Variants in INTS3 observed in about 807,000 individuals in gnomAD.
INTS3 encodes SOSS complex subunit A.
In INTS3, 34 loss-of-function variants were observed where a neutral mutation model predicts 146.3. That is an observed-to-expected ratio of 0.23 (90% confidence interval 0.18 to 0.31). The LOEUF (loss-of-function observed/expected upper bound fraction) is 0.31, where lower values mean the gene tolerates loss of function less well. Ranked by LOEUF, INTS3 falls within the 10% of genes least tolerant of loss-of-function variation. INTS3 has a pLI of 1.00. For missense variants in INTS3, 757 were observed against 1,304.2 expected, an observed-to-expected ratio of 0.58 and a Z score of 6.46; for synonymous variants, 475 against 494.9, an observed-to-expected ratio of 0.96 and a Z score of 0.53.
chr1:153,733,985 G>C (rs1344016845), intron 1 of INTS3, among the ~76,000 whole-genome samples: 1 of 152,158 alleles, frequency 6.6e-6, no homozygotes, highest in Non-Finnish European at 1.5e-5. Context: ...TCCAGCTTGA[G>C]TCTCCAGCTT....
At chr1:153,768,745 CT>C (rs1672698983) in intron 21 of INTS3, 147 bp from the exon 22 acceptor site, 1 of 632,376 alleles carries the variant, frequency 1.6e-6, no homozygotes, top group East Asian at 2.7e-5. Context: ...AGCATCATAG[CT>C]GTTGGATCTC....
intron 5 of INTS3, 114 bp from the exon 6 acceptor site, chr1:153,748,575 G>A: frequency 1.2e-6 from 1 of 832,754 alleles, no homozygotes; most frequent in Non-Finnish European, 2.1e-6. Context: ...AGCAGTGAAG[G>A]GATGGCAGTA....
At chr1:153,740,903 T>C (rs966011223) in intron 2 of INTS3, among the ~76,000 whole-genome samples, 169 bp downstream of exon 2, 2 of 152,310 alleles carry the variant, frequency 1.3e-5, no homozygotes, top group African/African-American at 4.8e-5. Flanking sequence ...GGAGCCTATC[T>C]CTTGGAGCCT....
rs369150636 is a variant in INTS3 at position 153,760,931 on chromosome 1, G to T, written c.1409+13G>T. 3 of 1,610,678 alleles carry T rather than the reference G, an allele frequency of 1.9e-6. No homozygotes were observed. In the South Asian group the frequency reaches 3.3e-5, roughly 18 times the overall value. ...AACGGGTCTTGGCGTAAGGAATTTG[G>T]TGGGGGAAGGAGGTTGTTTTCCCAT... On this transcript the variant is annotated intron_variant, in intron 13 of 29. Coordinates refer to ENST00000318967, the MANE Select transcript of INTS3 (RefSeq NM_023015.5).
intron 6 of INTS3, among the ~76,000 whole-genome samples, chr1:153,749,054 T>C (rs1671861250): frequency 6.6e-6 from 1 of 152,118 alleles, no homozygotes; most frequent in Admixed American, 6.6e-5. Flanking sequence ...AGGGGGAAGT[T>C]GGGGAGGAAT....
At position 153,728,520 on chromosome 1, in the gene INTS3, TC is replaced by T; in HGVS notation, c.-111del. On this transcript the variant is annotated 5_prime_UTR_variant, in exon 1 of 30. Coordinates refer to ENST00000318967, the MANE Select transcript of INTS3 (RefSeq NM_023015.5). ...GTGGAGAGGACAGGGGCCCTTGCTC[TC>T]CCCTCCCCAACTTGTTCCTCTTGCC... 1 of 1,327,078 alleles carries T rather than the reference TC, an allele frequency of 7.5e-7. No individual in the cohort carries two copies. The highest frequency in any genetic ancestry group is 1.0e-6 in the Non-Finnish European group (1 of 978,176). The allele number at this position is 1,327,078 out of a possible 1,614,324, so 82.2% of individuals were successfully genotyped here. A position where few individuals can be genotyped will look rare whatever the true frequency, so the allele number is the denominator to read the frequency against.
chr1:153,758,820 A>T (rs1446759890), intron 10 of INTS3, among the ~76,000 whole-genome samples: 1 of 144,882 alleles, frequency 6.9e-6, no homozygotes, highest in Non-Finnish European at 1.5e-5. Flanking sequence ...AAAAGAACCC[A>T]GGCCTGGCCA....
At chr1:153,740,778 G>A (rs1671499599) in intron 2 of INTS3, 44 bp downstream of exon 2, 2 of 1,454,480 alleles carry the variant, frequency 1.4e-6, no homozygotes, top group Non-Finnish European at 1.9e-6. Context: ...CTGCTGTGAA[G>A]GTCTTGAAAC....
At chr1:153,731,901 C>CTTTTTT (rs34353204) in intron 1 of INTS3, among the ~76,000 whole-genome samples, 4 of 65,280 alleles carry the variant, frequency 6.1e-5, no homozygotes, top group African/African-American at 1.5e-4. Flanking sequence ...CTTTTTTTAA[C>CTTTTTT]TTTTTTTTTT....
chr1:153,746,784 A>T, intron 3 of INTS3, 173 bp from the exon 4 acceptor site: 1 of 580,554 alleles, frequency 1.7e-6, no homozygotes, highest in African/African-American at 1.9e-5. Context: ...TAGGTTGGGA[A>T]TGCAGGACCC....
intron 6 of INTS3, among the ~76,000 whole-genome samples, chr1:153,750,091 C>G (rs148284334): frequency 1.1e-3 from 170 of 152,302 alleles, no homozygotes; most frequent in African/African-American, 4.0e-3. Flanking sequence ...GTAACCTTGG[C>G]TAGTGTATCC....
At chr1:153,733,719 C>A (rs1671178449) in intron 1 of INTS3, among the ~76,000 whole-genome samples, 1 of 152,016 alleles carries the variant, frequency 6.6e-6, no homozygotes, top group Non-Finnish European at 1.5e-5. Context: ...ATTCTCCTGC[C>A]TCAGCCTCCC....
At position 153,762,771 on chromosome 1, in the gene INTS3, G is replaced by A. The variant is rs773031326; in HGVS notation, c.1560G>A (p.Met520Ile). 1 of 1,614,170 alleles carries A rather than the reference G, an allele frequency of 6.2e-7. No individual in the cohort carries two copies. Among genetic ancestry groups the A allele is most frequent in the African/African-American group, 1.3e-5 (1 of 75,040 alleles). Reference sequence around the variant, plus strand: ...TTTCCATGGAGATGGACAACCATATGTCGGATAAGGATGAGAGTTGCTATG... The same window carrying A: ...TTTCCATGGAGATGGACAACCATATATCGGATAAGGATGAGAGTTGCTATG... Reference protein sequence around the residue: ...EPVSMEMDNHMSDKDESCYDN... With the variant: ...EPVSMEMDNHISDKDESCYDN... The change falls in exon 15 of 30, where the codon ATG becomes ATA. Residue 520 changes from methionine (M) to isoleucine (I), a missense_variant. By Grantham distance (10) the Met-to-Ile change is conservative. This residue lies in a region of INTS3 where 97 missense variants were observed against 113.6 expected (regional missense o/e 0.85). Transcript: ENST00000318967.
intron 13 of INTS3, 50 bp from the exon 14 acceptor site, chr1:153,761,514 AAAAAAT>A (rs918762047): frequency 6.6e-5 from 88 of 1,341,964 alleles, no homozygotes; most frequent in Admixed American, 2.3e-4. Flanking sequence ...CTGTCTCAAA[AAAAAAT>A]AAAAATAAGA....
intron 1 of INTS3, among the ~76,000 whole-genome samples, chr1:153,736,151 G>A (rs1216298993): frequency 6.6e-6 from 1 of 152,210 alleles, no homozygotes; most frequent in Non-Finnish European, 1.5e-5. Context: ...GAGGTGGGCT[G>A]TGAGAATCAT....
chr1:153,764,079 T>C, intron 17 of INTS3, 39 bp from the exon 18 acceptor site: 1 of 1,522,958 alleles, frequency 6.6e-7, no homozygotes, highest in African/African-American at 1.4e-5. Context: ...AGGGCTTGGG[T>C]GTAGGTAGTG....
rs756709374 is a variant in INTS3 at position 153,752,417 on chromosome 1, G to A, written c.859+9G>A. Reference sequence around the variant, plus strand: ...GAGTCCTCAGTTCACAGGTAAGTAGGGTCTTAGGCATCCTGTCCTTGAGAG... The same window carrying A: ...GAGTCCTCAGTTCACAGGTAAGTAGAGTCTTAGGCATCCTGTCCTTGAGAG... On this transcript the variant is annotated intron_variant, in intron 8 of 29. Transcript: ENST00000318967. 3 of 1,599,876 alleles carry A rather than the reference G, an allele frequency of 1.9e-6. No homozygotes were observed. The highest frequency in any genetic ancestry group is 2.6e-6 in the Non-Finnish European group (3 of 1,174,874).
At chr1:153,761,754 A>G in intron 14 of INTS3, 78 bp downstream of exon 14, 1 of 877,760 alleles carries the variant, frequency 1.1e-6, no homozygotes, top group Non-Finnish European at 1.9e-6. Flanking sequence ...AGCCCCTTTC[A>G]GGATGTCCCA....
In INTS3 at chr1:153,772,063, TG is replaced by T; in HGVS notation, c.2720+101del. Reference sequence around the variant, plus strand: ...TGGTGGTGGTGGTGATGGGGGTCAGTGCTGTCCCAGCCTGGTTTGTGGGCGA... The same window carrying T: ...TGGTGGTGGTGGTGATGGGGGTCAGTCTGTCCCAGCCTGGTTTGTGGGCGA... On this transcript the variant is annotated intron_variant, in intron 26 of 29. Coordinates refer to ENST00000318967, the MANE Select transcript of INTS3 (RefSeq NM_023015.5). The surrounding 1 kb of genome is among the most constrained non-coding windows in gnomAD (Gnocchi z 4.6). 7.8e-7 allele frequency: 1 copy of T among 1,287,418 alleles called. No homozygotes were observed. Among genetic ancestry groups the T allele is most frequent in the Non-Finnish European group, 1.1e-6 (1 of 936,428 alleles). The allele number at this position is 1,287,418 out of a possible 1,614,324, so 79.7% of individuals were successfully genotyped here. A position where few individuals can be genotyped will look rare whatever the true frequency, so the allele number is the denominator to read the frequency against.
Sources: gnomAD v4.1 joint callset for allele counts (sites outside exome capture counted in the v4.1 genomes callset) on GRCh38, gnomAD v4.1.1 for gene constraint, gnomAD v4.1.1 regional missense constraint, Gnocchi (gnomAD v3.1) non-coding constraint, MANE v1.5 for transcripts, NCBI Gene and HGNC (gene_info 2026-07-23, HGNC 2026-07-21) for gene names.